Variants in FAM171A1 observed in about 807,000 individuals in gnomAD.
FAM171A1 encodes family with sequence similarity 171 member A1, also known as protein FAM171A1.
In FAM171A1, 23 loss-of-function variants were observed where a neutral mutation model predicts 74.9. That is an observed-to-expected ratio of 0.31 (90% CI 0.22 to 0.44). The LOEUF is 0.44. FAM171A1 is among the 20% of genes least tolerant of loss of function. The pLI is 1.00. For missense variants in FAM171A1, 1,162 were observed against 1,159.2 expected, an observed-to-expected ratio of 1.00 and a Z score of -0.03; for synonymous variants, 527 against 505.7, an observed-to-expected ratio of 1.04 and a Z score of -0.57.
intron 6 of FAM171A1, among the ~76,000 whole-genome samples, chr10:15,218,408 G>A (rs192054194): frequency 3.9e-5 from 6 of 152,204 alleles, no homozygotes; most frequent in Admixed American, 1.3e-4. Context: ...CTGCCAGTAC[G>A]ATTCTTTATA....
chr10:15,330,083 T>C (rs1835609476), intron 1 of FAM171A1, among the ~76,000 whole-genome samples: 1 of 152,202 alleles, frequency 6.6e-6, no homozygotes, highest in Non-Finnish European at 1.5e-5. Context: ...GGCTCACACC[T>C]GTAATCCCAG....
intron 1 of FAM171A1, among the ~76,000 whole-genome samples, chr10:15,317,497 C>A (rs149183105): frequency 6.6e-6 from 1 of 152,102 alleles, no homozygotes; most frequent in African/African-American, 2.4e-5. Flanking sequence ...CAGGTTCAAG[C>A]GACTCTCCTG....
At chr10:15,268,998 C>A (rs189862214) in intron 3 of FAM171A1, among the ~76,000 whole-genome samples, 3 of 152,064 alleles carry the variant, frequency 2.0e-5, no homozygotes, top group Non-Finnish European at 4.4e-5. Context: ...GCCAAGATCA[C>A]GCCACTGCAC....
At position 15,362,925 on chromosome 10, in the gene FAM171A1, T is replaced by C. The variant is rs557265151; in HGVS notation, c.97+8031A>G. 3.9e-5 allele frequency among the ~76,000 whole-genome samples: 6 copies of C among 152,298 alleles called. No homozygotes were observed. The East Asian group carries it at 5.8e-4, about 15-fold the overall frequency. ...GATTGTAAACTTTCCGAGGTGAGAA[T>C]TGCAAAATAATCAAGCTTATGCAAA... On this transcript the variant is annotated intron_variant, in intron 1 of 7. Transcript: ENST00000378116.
chr10:15,271,490 C>A (rs558483689), intron 3 of FAM171A1, among the ~76,000 whole-genome samples: 4 of 152,294 alleles, frequency 2.6e-5, no homozygotes, highest in African/African-American at 9.6e-5. Context: ...ACTTCCCCAA[C>A]CTAGCAAGGC....
At position 15,224,120 on chromosome 10, in the gene FAM171A1, G is replaced by A. The variant is rs1834074837; in HGVS notation, c.755-3060C>T. 2.6e-5 allele frequency among the ~76,000 whole-genome samples: 4 copies of A among 152,176 alleles called. No individual in the cohort carries two copies. The South Asian group carries it at 8.3e-4, about 31-fold the overall frequency. ...GTCAGCTAGGAAACACCCACCTGGG[G>A]TGGGTGTAGAAGGATTGGGATGAGT... is the stretch of plus-strand genomic sequence containing the variant. On this transcript the variant is annotated intron_variant, in intron 5 of 7. Coordinates refer to ENST00000378116, the MANE Select transcript of FAM171A1 (RefSeq NM_001010924.2).
chr10:15,339,807 G>A (rs1282615474), intron 1 of FAM171A1, among the ~76,000 whole-genome samples: 1 of 152,150 alleles, frequency 6.6e-6, no homozygotes, highest in African/African-American at 2.4e-5. Context: ...AATTTATAAA[G>A]AAAAAGAGGC....
intron 5 of FAM171A1, among the ~76,000 whole-genome samples, chr10:15,233,509 G>A (rs566475755): frequency 3.4e-5 from 5 of 146,982 alleles, no homozygotes; most frequent in East Asian, 4.1e-4. Context: ...TGCACATGCC[G>A]GGTGTATTCA....
chr10:15,259,257 C>T (rs962366004), intron 3 of FAM171A1, among the ~76,000 whole-genome samples: 1 of 152,124 alleles, frequency 6.6e-6, no homozygotes, highest in African/African-American at 2.4e-5. Flanking sequence ...TTGCATCCAA[C>T]AGCGTATGTT....
intron 1 of FAM171A1, among the ~76,000 whole-genome samples, chr10:15,297,591 T>C (rs149477709): frequency 6.6e-6 from 1 of 152,290 alleles, no homozygotes; most frequent in Non-Finnish European, 1.5e-5. Context: ...TTGCCAAGAA[T>C]GGTGAAATAT....
In FAM171A1 at chr10:15,213,180, G is replaced by A. The variant is rs916462529; in HGVS notation, c.2408C>T (p.Thr803Ile). ...ACTGTCCTCGGGGGTACAGACCGTG[G>A]TCCCACATTCGCTACCACTCTGTTC... ...DVEQSGSECGTTVCTPEDSAL... is the reference protein window; with the variant it reads ...DVEQSGSECGITVCTPEDSAL... Residue 803 changes from threonine (T) to isoleucine (I), a missense_variant, in exon 8 of 8, where the codon ACC (threonine) becomes ATC (isoleucine). Thr to Ile is a moderately conservative substitution (Grantham distance 89). Transcript: ENST00000378116. The surrounding 1 kb of genome is among the most constrained non-coding windows in gnomAD (Gnocchi z 6.8). 1 of 1,613,962 alleles carries A rather than the reference G, an allele frequency of 6.2e-7. No homozygotes were observed. The highest frequency in any genetic ancestry group is 8.5e-7 in the Non-Finnish European group (1 of 1,180,020).
At chr10:15,232,020 G>A (rs182976087) in intron 5 of FAM171A1, among the ~76,000 whole-genome samples, 1 of 152,248 alleles carries the variant, frequency 6.6e-6, no homozygotes, top group African/African-American at 2.4e-5. Flanking sequence ...TTGAGCCCAG[G>A]GGCTTGAGGC....
chr10:15,252,840 C>A (rs1005769119), intron 4 of FAM171A1, among the ~76,000 whole-genome samples: 2 of 152,166 alleles, frequency 1.3e-5, no homozygotes, highest in Admixed American at 1.3e-4. Flanking sequence ...CGTTTTCCCC[C>A]ATTTTCTCAG....
intron 1 of FAM171A1, among the ~76,000 whole-genome samples, chr10:15,287,251 C>A (rs988872929): frequency 5.1e-4 from 77 of 151,426 alleles, no homozygotes; most frequent in African/African-American, 1.8e-3. Flanking sequence ...GCCACCACAT[C>A]CGGCTAATTT....
chr10:15,220,850 C>T, intron 6 of FAM171A1, 94 bp downstream of exon 6: 2 of 870,834 alleles, frequency 2.3e-6, no homozygotes, highest in Admixed American at 4.5e-5. Context: ...ATGTGATCGC[C>T]CTGCTGAAGT....
At chr10:15,267,928 T>C (rs562557218) in intron 3 of FAM171A1, among the ~76,000 whole-genome samples, 1 of 152,292 alleles carries the variant, frequency 6.6e-6, no homozygotes, top group South Asian at 2.1e-4. Flanking sequence ...AAACCACACA[T>C]TGCCTCCTTC....
intron 3 of FAM171A1, among the ~76,000 whole-genome samples, chr10:15,270,796 C>A (rs1834813846): frequency 6.6e-6 from 1 of 152,204 alleles, no homozygotes; most frequent in Non-Finnish European, 1.5e-5. Context: ...CAAACTCCAA[C>A]AGACCTGCAG....
chr10:15,222,245 T>C (rs889445543), intron 5 of FAM171A1, among the ~76,000 whole-genome samples: 1 of 152,214 alleles, frequency 6.6e-6, no homozygotes, highest in African/African-American at 2.4e-5. Context: ...ATAGACCAGC[T>C]GTGCACCAAA....
intron 1 of FAM171A1, among the ~76,000 whole-genome samples, chr10:15,297,007 C>G (rs1429456373): frequency 2.0e-5 from 3 of 152,058 alleles, no homozygotes; most frequent in African/African-American, 4.8e-5. Context: ...GCTATTTACA[C>G]TGGTGGCTCC....
Sources: allele counts gnomAD v4.1 joint callset (sites outside exome capture counted in the v4.1 genomes callset), GRCh38; gene constraint gnomAD v4.1.1; non-coding constraint Gnocchi (gnomAD v3.1); transcripts MANE v1.5; gene names NCBI Gene and HGNC (gene_info 2026-07-23, HGNC 2026-07-21).